Variants in TBCD observed in about 807,000 individuals in gnomAD.
TBCD encodes tubulin folding cofactor D.
A neutral mutation model predicts 169.3 loss-of-function variants in TBCD; 105 were observed. The ratio of observed to expected loss-of-function variants is 0.62; its 90% CI spans 0.53 to 0.73. The LOEUF (loss-of-function observed/expected upper bound fraction) is 0.73. Ranked by LOEUF, TBCD falls within the 30% of genes least tolerant of loss-of-function variation. TBCD has a pLI of 0.00. For missense variants in TBCD, 1,444 were observed against 1,600.1 expected (o/e 0.90, Z 1.66); for synonymous variants, 700 against 643.9 (o/e 1.09, Z -1.32).
chr17:82,752,712 C>G (rs966021828), intron 1 of TBCD, among the ~76,000 whole-genome samples: 1 of 152,134 alleles, frequency 6.6e-6, no homozygotes, highest in Admixed American at 6.5e-5. Context: ...TGGAGGAGGT[C>G]CCTGGGCTGG....
At chr17:82,856,457 A>G (rs953804111) in intron 13 of TBCD, among the ~76,000 whole-genome samples, 1 of 152,018 alleles carries the variant, frequency 6.6e-6, no homozygotes, top group South Asian at 2.1e-4. Context: ...GAAAAAAAGA[A>G]AAAAAACAGA....
intron 13 of TBCD, among the ~76,000 whole-genome samples, chr17:82,851,528 G>A (rs1351912322): frequency 6.6e-6 from 1 of 152,194 alleles, no homozygotes; most frequent in Non-Finnish European, 1.5e-5. Context: ...CAGGGCCCGA[G>A]GTTCTCTCTG....
chr17:82,922,408 G>A lies in TBCD; in HGVS notation c.2178+831G>A, dbSNP rs751197725. ...AACAAAAAAAACCATGGTTACCAAC[G>A]TTGACTAGGTTTTGATATTGAGGAT... On this transcript the variant is annotated intron_variant, in intron 25 of 38. Coordinates refer to ENST00000355528, the MANE Select transcript of TBCD (RefSeq NM_005993.5). The surrounding 1 kb of genome is among the most constrained non-coding windows in gnomAD (Gnocchi z 4.1). 2.6e-5 allele frequency among the ~76,000 whole-genome samples: 4 copies of A among 152,044 alleles called. No individual in the cohort carries two copies. Among genetic ancestry groups the A allele is most frequent in the South Asian group, 2.1e-4 (1 of 4,812 alleles).
At chr17:82,767,946 T>C (rs1415018261) in intron 4 of TBCD, among the ~76,000 whole-genome samples, 2 of 147,666 alleles carry the variant, frequency 1.4e-5, no homozygotes, top group Admixed American at 1.3e-4. Context: ...AGAGCGAGAC[T>C]CCATCTCAAA....
In TBCD at chr17:82,890,579, C is replaced by T. The variant is rs891613960; in HGVS notation, c.1563+882C>T. 6.6e-6 allele frequency among the ~76,000 whole-genome samples: 1 copy of T among 152,030 alleles called. No homozygotes were observed. Among genetic ancestry groups the T allele is most frequent in the Non-Finnish European group, 1.5e-5 (1 of 67,912 alleles). ...TGCCAGAGTCAGCTGGAGAGGCGGG[C>T]GGACGAGGACTTGCGCCTGTTATTG... is the stretch of plus-strand genomic sequence containing the variant. On this transcript the variant is annotated intron_variant, in intron 16 of 38. Transcript: ENST00000355528. The surrounding 1 kb of genome is among the most constrained non-coding windows in gnomAD (Gnocchi z 5.3).
intron 9 of TBCD, among the ~76,000 whole-genome samples, chr17:82,802,001 G>A (rs1184494950): frequency 5.3e-5 from 8 of 151,646 alleles, no homozygotes; most frequent in South Asian, 2.1e-4. Context: ...CCTCCCTGGC[G>A]TGGCAGCGTG....
chr17:82,812,755 C>G (rs528295045), intron 12 of TBCD, among the ~76,000 whole-genome samples: 1 of 152,248 alleles, frequency 6.6e-6, no homozygotes, highest in African/African-American at 2.4e-5. Context: ...GTTGGCCAGT[C>G]GGGTCTCTGT....
chr17:82,940,221 G>GCACACACACACACACACA (rs71168175), intron 37 of TBCD, among the ~76,000 whole-genome samples: 2,524 of 131,730 alleles, frequency 0.019, 45 homozygotes, highest in East Asian at 0.072. Context: ...TTGCACGCGC[G>GCACACACACACACACACA]CACACACACA....
rs547427397 is a variant in TBCD at position 82,782,921 on chromosome 17, C to G, written c.771+1200C>G. On this transcript the variant is annotated intron_variant, in intron 7 of 38. Coordinates refer to ENST00000355528, the MANE Select transcript of TBCD (RefSeq NM_005993.5). The surrounding 1 kb of genome is among the most constrained non-coding windows in gnomAD (Gnocchi z 5.1). The stretch of plus-strand genomic sequence containing the variant: ...GTCTTCCTGTCTGCGGTGTCGTCTT[C>G]CTGTCCATGGCGGCCTCCTGTCCGC... Among the ~76,000 whole-genome samples the G allele has an allele frequency of 1.3e-5, 2 of 150,842 alleles. No individual in the cohort carries two copies. Among genetic ancestry groups the G allele is most frequent in the African/African-American group, 4.9e-5 (2 of 40,936 alleles).
Position 82,889,585 on chromosome 17 carries a change from T to C in TBCD, c.1534-83T>C. Reference sequence around the variant, plus strand: ...AAAATAAAGCCGTGGGTCATTCACGTTGTGCTGTTTGTTCTGAACTTGCCT... The same window carrying C: ...AAAATAAAGCCGTGGGTCATTCACGCTGTGCTGTTTGTTCTGAACTTGCCT... On this transcript the variant is annotated intron_variant, in intron 15 of 38. Transcript: ENST00000355528. This position sits in a 1 kb window ranked among gnomAD's most constrained non-coding sequence, Gnocchi z 5.3. 1.3e-6 allele frequency: 2 copies of C among 1,543,788 alleles called. No homozygotes were observed. The highest frequency in any genetic ancestry group is 1.8e-6 in the Non-Finnish European group (2 of 1,118,902).
chr17:82,771,881 G>T (rs566081750), intron 5 of TBCD, among the ~76,000 whole-genome samples: 1 of 150,428 alleles, frequency 6.6e-6, no homozygotes, highest in African/African-American at 2.5e-5. Flanking sequence ...CCGAGATCGC[G>T]CCACGGCCCT....
At chr17:82,826,319 C>G (rs1239943689) in intron 13 of TBCD, among the ~76,000 whole-genome samples, 1 of 151,640 alleles carries the variant, frequency 6.6e-6, no homozygotes, top group South Asian at 2.1e-4. Context: ...ATTATGAGTA[C>G]AGAGTTGACC....
At chr17:82,800,266 G>A (rs1422920637) in intron 8 of TBCD, among the ~76,000 whole-genome samples, 3 of 152,166 alleles carry the variant, frequency 2.0e-5, no homozygotes, top group East Asian at 3.9e-4. Flanking sequence ...GCACCCGGGC[G>A]TCTCCTGCTC....
At chr17:82,766,587 A>G (rs1415836236) in intron 4 of TBCD, among the ~76,000 whole-genome samples, 1 of 152,164 alleles carries the variant, frequency 6.6e-6, no homozygotes, top group Non-Finnish European at 1.5e-5. Flanking sequence ...TTTATAAAAA[A>G]AATTATGCCT....
At chr17:82,829,098 A>G (rs1478886980) in intron 13 of TBCD, among the ~76,000 whole-genome samples, 1 of 145,980 alleles carries the variant, frequency 6.9e-6, no homozygotes, top group Non-Finnish European at 1.5e-5. Context: ...ACACAATTGA[A>G]TGCGCACCCC....
At chr17:82,863,360 A>G (rs1343660883) in intron 13 of TBCD, among the ~76,000 whole-genome samples, 1 of 152,194 alleles carries the variant, frequency 6.6e-6, no homozygotes, top group African/African-American at 2.4e-5. Flanking sequence ...GTGGAGGCCA[A>G]GCGGTGTCTG....
At chr17:82,830,079 G>T in intron 13 of TBCD, 1 of 1,607,968 alleles carries the variant, frequency 6.2e-7, no homozygotes, top group South Asian at 1.1e-5. Flanking sequence ...AGGTGTTGTA[G>T]CTTGCCACCT....
chr17:82,894,304 A>G (rs1013532411), intron 17 of TBCD, among the ~76,000 whole-genome samples: 3 of 152,184 alleles, frequency 2.0e-5, no homozygotes, highest in Non-Finnish European at 2.9e-5. Context: ...GAAATGTGAA[A>G]AAGGGTGTGA....
intron 25 of TBCD, 45 bp downstream of exon 25, chr17:82,921,622 AGT>A (rs1294925990): frequency 7.0e-6 from 11 of 1,575,004 alleles, no homozygotes; most frequent in Non-Finnish European, 9.6e-6. Context: ...TGGCGGTGTT[AGT>A]GTGTTAGTCA....
Sources: gnomAD v4.1 joint callset for allele counts (sites outside exome capture counted in the v4.1 genomes callset) on GRCh38, gnomAD v4.1.1 for gene constraint, Gnocchi (gnomAD v3.1) non-coding constraint, MANE v1.5 for transcripts, NCBI Gene and HGNC (gene_info 2026-07-23, HGNC 2026-07-21) for gene names.